LYRM4: variants seen among roughly 807,000 people sequenced by gnomAD.
LYRM4 encodes the protein LYR motif-containing protein 4.
LYRM4 carries 9 observed loss-of-function variants against 11.7 expected under a neutral mutation model. That is an observed-to-expected ratio of 0.77 (90% CI 0.46 to 1.34). The LOEUF is 1.34. Ranked by LOEUF, LYRM4 falls within the 40% of genes most tolerant of loss-of-function variation. LYRM4 has a pLI of 0.00. For synonymous variants in LYRM4, 42 were observed against 40.4 expected (o/e 1.04, Z -0.15); for missense variants, 133 against 112.5 (o/e 1.18, Z -0.82).
Position 5,225,389 on chromosome 6 carries a change from C to G in LYRM4, c.87-8651G>C, listed in dbSNP as rs548426775. Reference sequence around the variant, plus strand: ...TAGATGCTATCACAGTTGGCAGTTTCTTATACAGCTTTCTGGAGACATTAG... The same window carrying G: ...TAGATGCTATCACAGTTGGCAGTTTGTTATACAGCTTTCTGGAGACATTAG... On this transcript the variant is annotated intron_variant, in intron 1 of 2. Coordinates refer to ENST00000330636, the MANE Select transcript of LYRM4 (RefSeq NM_020408.6). 3.9e-5 allele frequency among the ~76,000 whole-genome samples: 6 copies of G among 152,110 alleles called. No homozygotes were observed. The East Asian group carries it at 1.2e-3, about 29-fold the overall frequency.
At chr6:5,181,771 T>G (rs1194186604) in intron 2 of LYRM4, among the ~76,000 whole-genome samples, 1 of 152,184 alleles carries the variant, frequency 6.6e-6, no homozygotes. Flanking sequence ...CTCTTTCTAG[T>G]CACTCCCTCT....
chr6:5,052,209 A>T, the LYRM4 span, among the ~76,000 whole-genome samples: 1 of 151,958 alleles, frequency 6.6e-6, no homozygotes, highest in Non-Finnish European at 1.5e-5. Context: ...AAGTAAATAT[A>T]TAAACAATTA....
At chr6:5,160,470 T>C (rs1758687856) in intron 2 of LYRM4, among the ~76,000 whole-genome samples, 1 of 152,148 alleles carries the variant, frequency 6.6e-6, no homozygotes, top group South Asian at 2.1e-4. Context: ...CGTGCTGTTC[T>C]TGTGGTAGTG....
intron 2 of LYRM4, among the ~76,000 whole-genome samples, chr6:5,133,642 C>T (rs770879423): frequency 6.6e-6 from 1 of 152,124 alleles, no homozygotes; most frequent in Non-Finnish European, 1.5e-5. Flanking sequence ...TCATTTAAAC[C>T]ACTTCAAAGT....
intron 2 of LYRM4, among the ~76,000 whole-genome samples, chr6:5,148,020 G>A (rs1757829038): frequency 6.6e-6 from 1 of 152,104 alleles, no homozygotes. Flanking sequence ...AAGCTCGTTA[G>A]CACTCCCCAG....
chr6:5,134,779 C>T (rs1251448108), intron 2 of LYRM4, among the ~76,000 whole-genome samples: 1 of 152,192 alleles, frequency 6.6e-6, no homozygotes, highest in Non-Finnish European at 1.5e-5. Context: ...ACAGGTTAAA[C>T]AGCAAAAAGT....
At chr6:5,066,359 G>A in the LYRM4 span, 1 of 726,366 alleles carries the variant, frequency 1.4e-6, no homozygotes, top group Middle Eastern at 2.6e-4. Flanking sequence ...TACGTCATAT[G>A]CAGGTTTCCA....
chr6:5,177,339 C>T (rs1315103225), intron 2 of LYRM4, among the ~76,000 whole-genome samples: 3 of 152,228 alleles, frequency 2.0e-5, no homozygotes, highest in African/African-American at 7.2e-5. Flanking sequence ...ATAAGCATGT[C>T]CTTGGAGGAG....
At chr6:5,145,335 C>T (rs1209117537) in intron 2 of LYRM4, among the ~76,000 whole-genome samples, 1 of 152,228 alleles carries the variant, frequency 6.6e-6, no homozygotes, top group East Asian at 1.9e-4. Context: ...GGGGGGCACG[C>T]GCCTGTGTAA....
intron 2 of LYRM4, among the ~76,000 whole-genome samples, chr6:5,119,794 CAAAAAAAAA>C (rs968606439): frequency 5.9e-5 from 1 of 16,888 alleles, no homozygotes; most frequent in Non-Finnish European, 1.9e-4. Flanking sequence ...GTCTCCATAA[CAAAAAAAAA>C]AAAAAAAAAA....
chr6:5,236,156 A>G (rs1763526396), intron 1 of LYRM4: 1 of 152,190 alleles, frequency 6.6e-6, no homozygotes, highest in Non-Finnish European at 1.5e-5. Context: ...TAAGCTCAAA[A>G]TATTACATTA....
downstream of LYRM4, chr6:5,102,678 C>T (rs1441183718): frequency 4.6e-5 from 7 of 152,370 alleles, no homozygotes; most frequent in Admixed American, 1.3e-4. Context: ...CAGCCTCTCA[C>T]TGGAAGTCTT....
chr6:5,164,294 G>C (rs895343527), intron 2 of LYRM4, among the ~76,000 whole-genome samples: 3 of 152,016 alleles, frequency 2.0e-5, no homozygotes, highest in Admixed American at 6.6e-5. Context: ...ATTCACACTA[G>C]CCCAAAACTG....
chr6:5,210,256 G>A (rs1761922964), intron 2 of LYRM4, among the ~76,000 whole-genome samples: 1 of 152,148 alleles, frequency 6.6e-6, no homozygotes. Context: ...TAGAGAAGAA[G>A]GGGACAGATA....
intron 2 of LYRM4, among the ~76,000 whole-genome samples, chr6:5,166,328 A>C (rs1759085463): frequency 6.6e-6 from 1 of 152,272 alleles, no homozygotes; most frequent in Non-Finnish European, 1.5e-5. Context: ...ACATGGCCAT[A>C]TCATGACATA....
At chr6:5,071,542 A>G in the LYRM4 span, among the ~76,000 whole-genome samples, 898 of 150,310 alleles carry the variant, frequency 6.0e-3, 4 homozygotes, top group South Asian at 8.9e-3. Flanking sequence ...TTATATATAT[A>G]TGTGTGTGTG....
At chr6:5,130,393 G>T (rs1763898164) in intron 2 of LYRM4, among the ~76,000 whole-genome samples, 1 of 152,250 alleles carries the variant, frequency 6.6e-6, no homozygotes, top group Admixed American at 6.5e-5. Flanking sequence ...CGTCAGGCTG[G>T]CATTGCACAG....
At chr6:5,118,606 C>T (rs1002579381) in intron 2 of LYRM4, among the ~76,000 whole-genome samples, 2 of 152,128 alleles carry the variant, frequency 1.3e-5, no homozygotes, top group African/African-American at 4.8e-5. Flanking sequence ...GAGATCCCAG[C>T]ATGGAGAGGC....
Position 5,139,394 on chromosome 6 carries a change from C to T in LYRM4, c.208-29903G>A, listed in dbSNP as rs540630140. On this transcript the variant is annotated intron_variant, in intron 2 of 2. Transcript: ENST00000330636. ...TAAGGTTCATTCATGACACAGGTCA[C>T]ACTGTATTTACAAATACAAACTGGA... Among the ~76,000 whole-genome samples the T allele has an allele frequency of 8.5e-5, 13 of 152,362 alleles. No homozygotes were observed. The South Asian group carries it at 2.7e-3, about 32-fold the overall frequency.
Sources: gnomAD v4.1 joint callset for allele counts (sites outside exome capture counted in the v4.1 genomes callset) on GRCh38, gnomAD v4.1.1 for gene constraint, MANE v1.5 for transcripts, NCBI Gene and HGNC (gene_info 2026-07-23, HGNC 2026-07-21) for gene names.